GSAP: variants seen among roughly 807,000 people sequenced by gnomAD.
GSAP encodes the protein gamma-secretase activating protein, also known as gamma-secretase-activating protein.
Under a neutral mutation model 131.7 loss-of-function variants are expected in GSAP, and 118 were observed. That is an observed-to-expected ratio of 0.90 (90% CI 0.77 to 1.04). The LOEUF (loss-of-function observed/expected upper bound fraction) is 1.04, where lower values mean the gene tolerates loss of function less well. Ranked by LOEUF, GSAP falls within the 50% of genes least tolerant of loss-of-function variation. The pLI is 0.00. For synonymous variants in GSAP, 381 were observed against 363.4 expected (o/e 1.05, Z -0.55); for missense variants, 1,019 against 1,013.2 (o/e 1.01, Z -0.08).
At chr7:77,390,752 A>G (rs924886590) in intron 5 of GSAP, among the ~76,000 whole-genome samples, 1 of 151,714 alleles carries the variant, frequency 6.6e-6, no homozygotes, top group Admixed American at 6.6e-5. Context: ...TTGAAGTATA[A>G]TAATAAAAAT....
intron 19 of GSAP, among the ~76,000 whole-genome samples, chr7:77,342,724 A>G (rs1335981057): frequency 6.6e-6 from 1 of 152,198 alleles, no homozygotes. Context: ...AAAGCCTGTT[A>G]TCACTTGCCT....
Position 77,402,423 on chromosome 7 carries a change from T to TAC in GSAP, c.243+2134_243+2135dup, listed in dbSNP as rs1457277424. Among the ~76,000 whole-genome samples the TAC allele has an allele frequency of 3.1e-4, 44 of 142,646 alleles. 1 individual carries two copies. The highest frequency in any genetic ancestry group is 4.6e-4 in the Non-Finnish European group (30 of 65,638). The allele number at this position is 142,646 out of a possible 152,430, so 93.6% of individuals were successfully genotyped here. On this transcript the variant is annotated intron_variant, in intron 3 of 30. Transcript: ENST00000257626. The stretch of plus-strand genomic sequence containing the variant: ...AAAAGAAAAAAAAAATATATATATA[T>TAC]ACACACACACAGAAAAAAAAGATTA...
At position 77,328,640 on chromosome 7, in the gene GSAP, A is replaced by G. The variant is rs1788657817; in HGVS notation, c.1734-3T>C. ...TTGCTTCTAGGTTAGAAATCACCCT[A>G]CGAAGAAATTAGCCATGTTATTCAC... On this transcript the variant is annotated splice_region_variant and splice_polypyrimidine_tract_variant and intron_variant, in intron 21 of 30. Transcript: ENST00000257626. 2 of 1,564,844 alleles carry G rather than the reference A, an allele frequency of 1.3e-6. No individual in the cohort carries two copies. The highest frequency in any genetic ancestry group is 1.4e-5 in the African/African-American group (1 of 73,898).
intron 18 of GSAP, chr7:77,351,589 G>C: frequency 1.0e-6 from 1 of 985,796 alleles, no homozygotes; most frequent in Non-Finnish European, 1.2e-6. Context: ...GATTAGTTCA[G>C]TACAGGGAGG....
rs563397526 is a variant in GSAP at position 77,389,874 on chromosome 7, G to A, written c.368-2426C>T. Among the ~76,000 whole-genome samples, 21 of 152,302 alleles carry A rather than the reference G, an allele frequency of 1.4e-4. No homozygotes were observed. In the East Asian group the frequency reaches 2.5e-3, roughly 18 times the overall value. ...GAATCACCACACTGTCTTCCACAAT[G>A]GTTGAACTAGTTTACAGTCCCACCA... is the stretch of plus-strand genomic sequence containing the variant. On this transcript the variant is annotated intron_variant, in intron 5 of 30. Coordinates refer to ENST00000257626, the MANE Select transcript of GSAP (RefSeq NM_017439.4).
chr7:77,397,501 C>A, intron 3 of GSAP, 86 bp from the exon 4 acceptor site: 1 of 727,554 alleles, frequency 1.4e-6, no homozygotes. Context: ...AAGCTCTGTG[C>A]TAAGTATTAC....
intron 6 of GSAP, among the ~76,000 whole-genome samples, chr7:77,386,677 A>T (rs1584661478): frequency 6.6e-6 from 1 of 152,202 alleles, no homozygotes; most frequent in Non-Finnish European, 1.5e-5. Context: ...GAAGCCGTTT[A>T]AACTGTGAAA....
chr7:77,330,947 A>G (rs568348426), intron 19 of GSAP: 2 of 687,262 alleles, frequency 2.9e-6, no homozygotes, highest in East Asian at 1.3e-4. Flanking sequence ...AATTATTGAT[A>G]TAATTGTACT....
At chr7:77,343,976 G>C (rs1791408462) in intron 19 of GSAP, among the ~76,000 whole-genome samples, 1 of 152,080 alleles carries the variant, frequency 6.6e-6, no homozygotes, top group African/African-American at 2.4e-5. Flanking sequence ...TACACATCAA[G>C]CTTGAGGATT....
At chr7:77,353,456 T>A (rs1793198384) in intron 17 of GSAP, 116 bp downstream of exon 17, 1 of 615,214 alleles carries the variant, frequency 1.6e-6, no homozygotes, top group South Asian at 2.0e-5. Flanking sequence ...TTTTTTTTTT[T>A]AATGTGCTCC....
chr7:77,340,159 C>T (rs1790691809), intron 19 of GSAP, among the ~76,000 whole-genome samples: 1 of 152,212 alleles, frequency 6.6e-6, no homozygotes, highest in South Asian at 2.1e-4. Flanking sequence ...CCCGACTGAG[C>T]ACCTTGTGAC....
At chr7:77,350,267 CTG>C in intron 18 of GSAP, among the ~76,000 whole-genome samples, 1 of 84,370 alleles carries the variant, frequency 1.2e-5, no homozygotes, top group African/African-American at 5.4e-5. Flanking sequence ...ACTCTGGGGA[CTG>C]TTGTGGGGTG....
intron 6 of GSAP, among the ~76,000 whole-genome samples, chr7:77,384,273 A>C (rs964246123): frequency 7.9e-5 from 12 of 152,232 alleles, no homozygotes; most frequent in Non-Finnish European, 1.5e-4. Context: ...GAGGTGCTGA[A>C]GAGGTGTAAC....
chr7:77,328,566 G>A (rs972714193), intron 22 of GSAP, 40 bp downstream of exon 22: 1 of 1,599,328 alleles, frequency 6.3e-7, no homozygotes, highest in South Asian at 1.1e-5. Context: ...ACAAAACACT[G>A]ACTGGAACCC....
chr7:77,369,136 G>C (rs1273792856), intron 12 of GSAP, among the ~76,000 whole-genome samples: 2 of 152,154 alleles, frequency 1.3e-5, no homozygotes, highest in Non-Finnish European at 2.9e-5. Context: ...ATATGAATAG[G>C]AAGGAGAATT....
At position 77,381,301 on chromosome 7, in the gene GSAP, T is replaced by C. The variant is rs1179295241; in HGVS notation, c.576+4A>G. 1.3e-6 allele frequency: 2 copies of C among 1,535,622 alleles called. No homozygotes were observed. The highest frequency in any genetic ancestry group is 2.8e-5 in the African/African-American group (2 of 71,816). On this transcript the variant is annotated splice_donor_region_variant and intron_variant, in intron 8 of 30. Transcript: ENST00000257626. ...ATGAAGCGAAAAGAATTTCAAATCT[T>C]TACCACTCTATTTCCATCTTCTTGG...
intron 7 of GSAP, 49 bp from the exon 8 acceptor site, chr7:77,381,403 G>C: frequency 1.0e-6 from 1 of 966,802 alleles, no homozygotes; most frequent in Non-Finnish European, 1.6e-6. Context: ...GGAAATATAT[G>C]AGTACTATTT....
chr7:77,383,318 T>TCACACACACACA (rs10539947), intron 6 of GSAP, among the ~76,000 whole-genome samples: 2 of 150,198 alleles, frequency 1.3e-5, no homozygotes, highest in Non-Finnish European at 3.0e-5. Flanking sequence ...ATGTTCTATT[T>TCACACACACACA]CACACACACA....
chr7:77,360,224 T>C (rs1338349822), intron 14 of GSAP, among the ~76,000 whole-genome samples: 2 of 152,204 alleles, frequency 1.3e-5, no homozygotes. Context: ...CATTACTTAG[T>C]CTTGTGCTAA....
Sources: gnomAD v4.1 joint callset for allele counts (sites outside exome capture counted in the v4.1 genomes callset) on GRCh38, gnomAD v4.1.1 for gene constraint, MANE v1.5 for transcripts, NCBI Gene and HGNC (gene_info 2026-07-23, HGNC 2026-07-21) for gene names.